The following SLC4A10 variants were observed in gnomAD, a reference collection of about 807,000 sequenced individuals.
The protein encoded by SLC4A10 is solute carrier family 4 member 10.
A neutral mutation model predicts 137.7 loss-of-function variants in SLC4A10; 42 were observed. The observed-to-expected ratio is 0.30, with a 90% CI of 0.24 to 0.39. The LOEUF (loss-of-function observed/expected upper bound fraction) is 0.39. Ranked by LOEUF, SLC4A10 falls within the 10% of genes least tolerant of loss-of-function variation. The probability of loss-of-function intolerance (pLI) is 1.00; values close to 1 mark genes in which losing one functional copy is unlikely to be tolerated. For synonymous variants in SLC4A10, 474 were observed against 464.1 expected, an observed-to-expected ratio of 1.02 and a Z score of -0.27; for missense variants, 925 against 1,355.0, an observed-to-expected ratio of 0.68 and a Z score of 4.98.
chr2:161,938,841 A>G (rs1692107238), intron 15 of SLC4A10, among the ~76,000 whole-genome samples: 1 of 152,080 alleles, frequency 6.6e-6, no homozygotes, highest in Non-Finnish European at 1.5e-5. Context: ...TTTTATTGTT[A>G]TCAAAATAGT....
In SLC4A10 at chr2:161,905,637, C is replaced by T; in HGVS notation, c.1752-5C>T. The T allele has an allele frequency of 6.3e-7, 1 of 1,585,260 alleles. No homozygotes were observed. Among genetic ancestry groups the T allele is most frequent in the African/African-American group, 1.4e-5 (1 of 73,756 alleles). On this transcript the variant is annotated splice_region_variant and splice_polypyrimidine_tract_variant and intron_variant, in intron 14 of 26. Coordinates refer to ENST00000446997, the MANE Select transcript of SLC4A10 (RefSeq NM_001178015.2). Reference sequence around the variant, plus strand: ...TTCACTGTTCTTTCCTTTTCCTCCTCCCAGAGAATATGGGCTGTCATACCT... The same window carrying T: ...TTCACTGTTCTTTCCTTTTCCTCCTTCCAGAGAATATGGGCTGTCATACCT...
At chr2:161,676,923 C>A (rs2040336342) in intron 1 of SLC4A10, among the ~76,000 whole-genome samples, 1 of 152,028 alleles carries the variant, frequency 6.6e-6, no homozygotes, top group South Asian at 2.1e-4. Flanking sequence ...CTATTAAAGC[C>A]TCTGAGAAGC....
At chr2:161,706,309 T>C (rs2043656471) in intron 1 of SLC4A10, among the ~76,000 whole-genome samples, 1 of 151,624 alleles carries the variant, frequency 6.6e-6, no homozygotes. Context: ...GAAGGAAAAG[T>C]TCAATTTTCT....
chr2:161,834,659 C>T (rs1405534733), intron 3 of SLC4A10, among the ~76,000 whole-genome samples: 5 of 88,604 alleles, frequency 5.6e-5, no homozygotes, highest in Non-Finnish European at 9.2e-5. Context: ...CCTTTATCGC[C>T]TACACACACA....
At chr2:161,695,135 A>T (rs1399651) in intron 1 of SLC4A10, among the ~76,000 whole-genome samples, 1 of 151,976 alleles carries the variant, frequency 6.6e-6, no homozygotes. Flanking sequence ...ATAACTTTAC[A>T]ATACAGAGAA....
intron 1 of SLC4A10, among the ~76,000 whole-genome samples, chr2:161,655,871 G>GCC (rs1246818454): frequency 1.3e-5 from 2 of 150,612 alleles, no homozygotes; most frequent in African/African-American, 4.9e-5. Context: ...CTGGAGTGCA[G>GCC]TGTATGATCT....
intron 23 of SLC4A10, among the ~76,000 whole-genome samples, chr2:161,970,386 T>G (rs1199267219): frequency 6.6e-6 from 1 of 152,198 alleles, no homozygotes; most frequent in Non-Finnish European, 1.5e-5. Flanking sequence ...ACACTTATGG[T>G]TTTCAAAGAT....
intron 14 of SLC4A10, 100 bp downstream of exon 14, chr2:161,905,009 A>G: frequency 2.5e-6 from 3 of 1,181,850 alleles, no homozygotes; most frequent in South Asian, 2.0e-5. Flanking sequence ...TGATAGAGAC[A>G]GAATTGCCTG....
intron 10 of SLC4A10, among the ~76,000 whole-genome samples, chr2:161,883,707 G>T (rs538230821): frequency 6.6e-6 from 1 of 152,056 alleles, no homozygotes; most frequent in Non-Finnish European, 1.5e-5. Context: ...TATTCTGGTG[G>T]CTCTTGGTCT....
intron 11 of SLC4A10, among the ~76,000 whole-genome samples, chr2:161,897,407 C>G (rs2063613851): frequency 6.6e-6 from 1 of 151,966 alleles, no homozygotes. Context: ...ACTCTGCTAC[C>G]CTATTGGAAG....
chr2:161,905,664 T>A lies in SLC4A10; in HGVS notation c.1774T>A (p.Ser592Thr). 6.2e-7 allele frequency: 1 copy of A among 1,611,592 alleles called. No individual in the cohort carries two copies. The highest frequency in any genetic ancestry group is 8.5e-7 in the Non-Finnish European group (1 of 1,178,912). The stretch of plus-strand genomic sequence containing the variant: ...CAGAGAATATGGGCTGTCATACCTA[T>A]CTTTAAGAGCTAGCATTGGACTTTG... ...FCKEYGLSYL[S>T]LRASIGLWTA... is the part of the protein sequence containing the mutation. Residue 592 changes from serine (S) to threonine (T), a missense_variant, in exon 15 of 27, where the codon TCT becomes ACT. This residue lies in a region of SLC4A10 where 61 missense variants were observed against 168.0 expected (regional missense o/e 0.36). Coordinates refer to ENST00000446997, the MANE Select transcript of SLC4A10 (RefSeq NM_001178015.2).
chr2:161,889,580 A>G (rs1460747526), intron 10 of SLC4A10, among the ~76,000 whole-genome samples: 5 of 152,078 alleles, frequency 3.3e-5, no homozygotes, highest in African/African-American at 1.2e-4. Flanking sequence ...AGAGGTGTTT[A>G]TAGTATTCCC....
chr2:161,760,431 A>G (rs2050139926), intron 1 of SLC4A10, among the ~76,000 whole-genome samples: 1 of 152,016 alleles, frequency 6.6e-6, no homozygotes, highest in Admixed American at 6.6e-5. Flanking sequence ...AGGATTTTCA[A>G]TCCTGTCCCA....
At chr2:161,750,397 T>G (rs1414953683) in intron 1 of SLC4A10, among the ~76,000 whole-genome samples, 1 of 151,818 alleles carries the variant, frequency 6.6e-6, no homozygotes, top group Non-Finnish European at 1.5e-5. Context: ...AATTTCTCTC[T>G]TAGTACTGTT....
intron 8 of SLC4A10, among the ~76,000 whole-genome samples, chr2:161,877,825 A>G (rs1005384665): frequency 1.3e-5 from 2 of 152,004 alleles, no homozygotes; most frequent in Non-Finnish European, 2.9e-5. Flanking sequence ...TTCCTTTAAA[A>G]TAAAATAATG....
intron 1 of SLC4A10, among the ~76,000 whole-genome samples, chr2:161,747,272 G>A (rs953327373): frequency 2.0e-5 from 3 of 152,114 alleles, no homozygotes; most frequent in African/African-American, 7.2e-5. Flanking sequence ...GCTAGGGCTG[G>A]TCTAAATGTT....
chr2:161,930,560 TATTA>T (rs1690163077), intron 15 of SLC4A10, among the ~76,000 whole-genome samples: 1 of 150,192 alleles, frequency 6.7e-6, no homozygotes, highest in African/African-American at 2.4e-5. Context: ...ATTATAATTA[TATTA>T]ATTAGTTATA....
At chr2:161,691,824 C>T (rs771387298) in intron 1 of SLC4A10, among the ~76,000 whole-genome samples, 9 of 152,022 alleles carry the variant, frequency 5.9e-5, no homozygotes, top group Non-Finnish European at 1.2e-4. Context: ...ATTAGAAATC[C>T]ATTCTCTTGA....
At chr2:161,733,691 A>G (rs1389278828) in intron 1 of SLC4A10, among the ~76,000 whole-genome samples, 2 of 152,112 alleles carry the variant, frequency 1.3e-5, no homozygotes, top group Admixed American at 1.3e-4. Context: ...ATTCAAGAAG[A>G]GATTTGAGCT....
Sources: allele counts gnomAD v4.1 joint callset (sites outside exome capture counted in the v4.1 genomes callset), GRCh38; gene constraint gnomAD v4.1.1; regional missense constraint gnomAD v4.1.1; transcripts MANE v1.5; gene names NCBI Gene and HGNC (gene_info 2026-07-23, HGNC 2026-07-21).